Variants in PRELID2 observed in about 807,000 individuals in gnomAD.
The protein encoded by PRELID2 is PRELI domain containing 2.
In PRELID2, 25 loss-of-function variants were observed where a neutral mutation model predicts 28.4. The ratio of observed to expected loss-of-function variants is 0.88; its 90% CI spans 0.64 to 1.23. The LOEUF (loss-of-function observed/expected upper bound fraction) is 1.23, where lower values mean the gene tolerates loss of function less well. Among genes scored for constraint, PRELID2 ranks in the 50% most tolerant of loss-of-function variants. PRELID2 has a pLI of 0.00. For missense variants in PRELID2, 201 were observed against 214.4 expected, an observed-to-expected ratio of 0.94 and a Z score of 0.39; for synonymous variants, 76 against 71.6, an observed-to-expected ratio of 1.06 and a Z score of -0.31.
At chr5:145,600,471 A>G (rs1426265533) in intron 1 of PRELID2, among the ~76,000 whole-genome samples, 1 of 147,456 alleles carries the variant, frequency 6.8e-6, no homozygotes, top group African/African-American at 2.6e-5. Flanking sequence ...CACAGGTGTG[A>G]TGGGGGACAC....
intron 1 of PRELID2, among the ~76,000 whole-genome samples, chr5:145,676,277 C>T (rs1347195355): frequency 2.7e-5 from 4 of 150,930 alleles, no homozygotes; most frequent in Admixed American, 2.0e-4. Context: ...CAGTGGCTCA[C>T]GCCTGTAATT....
At chr5:145,669,572 C>G (rs1561538798) in intron 1 of PRELID2, among the ~76,000 whole-genome samples, 1 of 152,056 alleles carries the variant, frequency 6.6e-6, no homozygotes, top group Non-Finnish European at 1.5e-5. Flanking sequence ...CATCATGGCT[C>G]AAGGGATCTG....
At chr5:145,379,053 A>C in the PRELID2 span, among the ~76,000 whole-genome samples, 2 of 152,046 alleles carry the variant, frequency 1.3e-5, no homozygotes, top group Admixed American at 1.3e-4. Flanking sequence ...AGGTTGATTC[A>C]GCCAGCTGGA....
intron 5 of PRELID2, 96 bp downstream of exon 5, chr5:145,796,346 C>T: frequency 1.6e-6 from 1 of 616,938 alleles, no homozygotes; most frequent in South Asian, 2.9e-5. Flanking sequence ...ATATGTTTTT[C>T]TCATTATGTC....
At chr5:145,557,390 T>C (rs1752889165) in intron 1 of PRELID2, among the ~76,000 whole-genome samples, 1 of 152,124 alleles carries the variant, frequency 6.6e-6, no homozygotes, top group Non-Finnish European at 1.5e-5. Flanking sequence ...ATTTAGAAAC[T>C]TGAGGTAAAA....
At chr5:145,753,769 T>C (rs1203833091), downstream of PRELID2, among the ~76,000 whole-genome samples, 1 of 152,126 alleles carries the variant, frequency 6.6e-6, no homozygotes, top group African/African-American at 2.4e-5. Flanking sequence ...TTTTTAAAGT[T>C]CCCCAGGTTT....
intron 1 of PRELID2, among the ~76,000 whole-genome samples, chr5:145,712,282 T>G (rs1581086815): frequency 6.6e-6 from 1 of 152,336 alleles, no homozygotes; most frequent in South Asian, 2.1e-4. Flanking sequence ...TCCTAATGAT[T>G]TTACGGTATT....
At chr5:145,335,340 A>G in the PRELID2 span, among the ~76,000 whole-genome samples, 1 of 151,928 alleles carries the variant, frequency 6.6e-6, no homozygotes, top group African/African-American at 2.4e-5. Context: ...TCTTTGTATA[A>G]CTTCTAATTT....
At chr5:145,438,947 T>C in the PRELID2 span, among the ~76,000 whole-genome samples, 1 of 152,154 alleles carries the variant, frequency 6.6e-6, no homozygotes, top group Non-Finnish European at 1.5e-5. Context: ...TCACACAGTG[T>C]GCTGCCTTTT....
chr5:145,237,480 G>C, the PRELID2 span, among the ~76,000 whole-genome samples: 2 of 151,980 alleles, frequency 1.3e-5, no homozygotes, highest in African/African-American at 4.8e-5. Context: ...TGTTTGTGTA[G>C]TCATTTCTAA....
the PRELID2 span, among the ~76,000 whole-genome samples, chr5:145,438,496 C>T: frequency 9.2e-5 from 14 of 152,166 alleles, no homozygotes; most frequent in East Asian, 2.7e-3. Context: ...TAAGATGCTC[C>T]AGCTTTGGGG....
intron 1 of PRELID2, among the ~76,000 whole-genome samples, chr5:145,719,276 C>T (rs1383918074): frequency 1.3e-5 from 2 of 151,764 alleles, no homozygotes; most frequent in Admixed American, 6.6e-5. Flanking sequence ...AAGGCCTATA[C>T]TAATCATGAA....
the PRELID2 span, among the ~76,000 whole-genome samples, chr5:145,252,563 T>C: frequency 1.3e-5 from 2 of 152,136 alleles, no homozygotes; most frequent in African/African-American, 4.8e-5. Flanking sequence ...CTAATAAATG[T>C]TTGTCTTTGT....
chr5:145,416,248 C>A, the PRELID2 span, among the ~76,000 whole-genome samples: 262 of 151,966 alleles, frequency 1.7e-3, 4 homozygotes, highest in East Asian at 0.04. Flanking sequence ...CTTCCTTACA[C>A]CTTATACAAA....
chr5:145,687,417 T>C (rs1755058506), intron 1 of PRELID2, among the ~76,000 whole-genome samples: 1 of 152,124 alleles, frequency 6.6e-6, no homozygotes, highest in Admixed American at 6.6e-5. Flanking sequence ...TTCAAAAATA[T>C]CAATGTCATG....
chr5:145,552,224 T>C (rs1261406373), intron 1 of PRELID2, among the ~76,000 whole-genome samples: 1 of 152,130 alleles, frequency 6.6e-6, no homozygotes, highest in East Asian at 1.9e-4. Flanking sequence ...ATAGTGATCA[T>C]TCATGAGTCA....
chr5:145,337,051 A>C, the PRELID2 span, among the ~76,000 whole-genome samples: 1 of 151,640 alleles, frequency 6.6e-6, no homozygotes, highest in Admixed American at 6.6e-5. Context: ...AGCATTGCAC[A>C]TGTATACATA....
chr5:145,273,519 T>C, the PRELID2 span, among the ~76,000 whole-genome samples: 2 of 151,768 alleles, frequency 1.3e-5, no homozygotes, highest in Non-Finnish European at 2.9e-5. Context: ...AAGGAAAAAA[T>C]GAAGGACCCA....
At chr5:145,457,009 C>T in the PRELID2 span, among the ~76,000 whole-genome samples, 1 of 152,110 alleles carries the variant, frequency 6.6e-6, no homozygotes, top group African/African-American at 2.4e-5. Context: ...ATATAATCAC[C>T]TAAGAGTGCC....
Sources: allele counts gnomAD v4.1 joint callset (sites outside exome capture counted in the v4.1 genomes callset), GRCh38; gene constraint gnomAD v4.1.1; transcripts MANE v1.5; gene names NCBI Gene and HGNC (gene_info 2026-07-23, HGNC 2026-07-21).